EPHA6: variants seen among roughly 807,000 people sequenced by gnomAD.
EPHA6 encodes the protein EPH receptor A6.
Under a neutral mutation model 112.0 loss-of-function variants are expected in EPHA6, and 50 were observed. The observed-to-expected ratio is 0.45, with a 90% CI of 0.36 to 0.56. EPHA6 has a LOEUF of 0.56. Ranked by LOEUF, EPHA6 falls within the 20% of genes least tolerant of loss-of-function variation. The pLI is 0.00. For missense variants in EPHA6, 1,280 were observed against 1,417.4 expected (o/e 0.90, Z 1.56); for synonymous variants, 529 against 490.7 (o/e 1.08, Z -1.03).
chr3:97,250,704 C>T (rs1389081806), intron 5 of EPHA6, among the ~76,000 whole-genome samples: 3 of 152,212 alleles, frequency 2.0e-5, no homozygotes, highest in South Asian at 2.1e-4. Flanking sequence ...GTCTAACAAA[C>T]TGGCACATTT....
chr3:97,660,604 T>A (rs1221522479), intron 14 of EPHA6, among the ~76,000 whole-genome samples: 2 of 152,070 alleles, frequency 1.3e-5, no homozygotes, highest in Non-Finnish European at 2.9e-5. Flanking sequence ...TAAAACATCA[T>A]TCTGTGAGCT....
chr3:97,614,139 T>C (rs966054691), intron 13 of EPHA6, among the ~76,000 whole-genome samples: 1 of 152,126 alleles, frequency 6.6e-6, no homozygotes, highest in African/African-American at 2.4e-5. Context: ...CTTTAAGTTT[T>C]AGGGTACATG....
intron 3 of EPHA6, among the ~76,000 whole-genome samples, chr3:97,090,599 A>T (rs2047033915): frequency 6.6e-6 from 1 of 152,132 alleles, no homozygotes; most frequent in Non-Finnish European, 1.5e-5. Flanking sequence ...GCCTCATATG[A>T]TCTGAATTTA....
At chr3:97,312,226 T>G (rs1338381408) in intron 5 of EPHA6, among the ~76,000 whole-genome samples, 1 of 151,590 alleles carries the variant, frequency 6.6e-6, no homozygotes, top group Non-Finnish European at 1.5e-5. Flanking sequence ...CATCTGCAAA[T>G]AAAGATGGGT....
chr3:96,945,166 C>T (rs2041187715), intron 2 of EPHA6, among the ~76,000 whole-genome samples: 1 of 152,168 alleles, frequency 6.6e-6, no homozygotes, highest in African/African-American at 2.4e-5. Flanking sequence ...TTGACTTTTA[C>T]CACCAGTATT....
intron 3 of EPHA6, among the ~76,000 whole-genome samples, chr3:96,992,878 G>A (rs2043267925): frequency 6.6e-6 from 1 of 152,018 alleles, no homozygotes; most frequent in African/African-American, 2.4e-5. Context: ...TCATGCCTCT[G>A]GGTCTTCACA....
At chr3:96,869,375 CA>C (rs200135336) in intron 2 of EPHA6, among the ~76,000 whole-genome samples, 10,238 of 100,028 alleles carry the variant, frequency 0.1, 631 homozygotes, top group Admixed American at 0.28. Flanking sequence ...TCAGCTCTTT[CA>C]AAAAAAAAAA....
At chr3:97,375,196 A>G (rs1263793853) in intron 5 of EPHA6, among the ~76,000 whole-genome samples, 1 of 152,090 alleles carries the variant, frequency 6.6e-6, no homozygotes, top group Non-Finnish European at 1.5e-5. Context: ...TCCTATTACA[A>G]AGGGCTTTCT....
intron 5 of EPHA6, among the ~76,000 whole-genome samples, chr3:97,397,729 T>C (rs1021548966): frequency 2.6e-5 from 4 of 151,594 alleles, no homozygotes; most frequent in African/African-American, 9.7e-5. Context: ...TAGGAAAGTA[T>C]TGGAAATTTC....
At chr3:97,339,153 G>A (rs1417360772) in intron 5 of EPHA6, among the ~76,000 whole-genome samples, 1 of 152,160 alleles carries the variant, frequency 6.6e-6, no homozygotes, top group Admixed American at 6.6e-5. Context: ...TTAGTCAAGG[G>A]AATGGAGTCA....
At chr3:97,352,278 C>G (rs2083852598) in intron 5 of EPHA6, among the ~76,000 whole-genome samples, 1 of 152,054 alleles carries the variant, frequency 6.6e-6, no homozygotes, top group African/African-American at 2.4e-5. Flanking sequence ...GTTCCCCCAA[C>G]AGGAGCACCA....
intron 14 of EPHA6, among the ~76,000 whole-genome samples, chr3:97,717,069 A>C (rs1018824876): frequency 5.9e-5 from 9 of 151,752 alleles, no homozygotes; most frequent in Non-Finnish European, 1.0e-4. Context: ...GTCTCTACTA[A>C]AATACAAAAA....
At chr3:97,479,269 T>G in intron 8 of EPHA6, 25 bp from the exon 9 acceptor site, 5 of 1,051,574 alleles carry the variant, frequency 4.8e-6, no homozygotes, top group Non-Finnish European at 5.2e-6. Flanking sequence ...TTAAAACAAG[T>G]TTTTTTTTTT....
chr3:97,259,908 C>T (rs1289548843), intron 5 of EPHA6, among the ~76,000 whole-genome samples: 1 of 151,262 alleles, frequency 6.6e-6, no homozygotes, highest in African/African-American at 2.4e-5. Flanking sequence ...TCAAGCGATT[C>T]TTCCGCCTCA....
chr3:97,634,956 C>A (rs1396953959), intron 13 of EPHA6, among the ~76,000 whole-genome samples: 1 of 146,942 alleles, frequency 6.8e-6, no homozygotes, highest in African/African-American at 2.5e-5. Context: ...TTTTTTTAAT[C>A]TTTCTGTGAG....
intron 2 of EPHA6, among the ~76,000 whole-genome samples, chr3:96,983,530 C>T (rs933289055): frequency 6.6e-6 from 1 of 152,048 alleles, no homozygotes; most frequent in Admixed American, 6.6e-5. Flanking sequence ...AATTATGTGT[C>T]TTGGAGTTGC....
chr3:96,850,555 G>A (rs2107367519), intron 1 of EPHA6, among the ~76,000 whole-genome samples: 1 of 152,212 alleles, frequency 6.6e-6, no homozygotes, highest in African/African-American at 2.4e-5. Context: ...AGGTGGTCAC[G>A]TAAGAGAGAG....
chr3:97,195,154 T>G (rs1238440281), intron 3 of EPHA6, among the ~76,000 whole-genome samples: 1 of 152,018 alleles, frequency 6.6e-6, no homozygotes. Flanking sequence ...CTTTCTCCCT[T>G]TCCTTCTTTC....
chr3:97,625,423 A>G (rs577108679), intron 13 of EPHA6, among the ~76,000 whole-genome samples: 3 of 151,888 alleles, frequency 2.0e-5, no homozygotes, highest in Admixed American at 6.6e-5. Context: ...GAAATCTACT[A>G]TTTGAAATCT....
Sources: allele counts gnomAD v4.1 joint callset (sites outside exome capture counted in the v4.1 genomes callset), GRCh38; gene constraint gnomAD v4.1.1; transcripts MANE v1.5; gene names NCBI Gene and HGNC (gene_info 2026-07-23, HGNC 2026-07-21).